The following CLEC16A variants were observed in gnomAD, a reference collection of about 807,000 sequenced individuals.
CLEC16A encodes the protein C-type lectin domain containing 16A.
CLEC16A carries 51 observed loss-of-function variants against 109.5 expected under a neutral mutation model. That is an observed-to-expected ratio of 0.47 (90% confidence interval 0.37 to 0.59). The LOEUF (loss-of-function observed/expected upper bound fraction) is 0.59, where lower values mean the gene tolerates loss of function less well. Among genes scored for constraint, CLEC16A ranks in the 20% least tolerant of loss-of-function variants. The probability of loss-of-function intolerance (pLI) is 0.00; values close to 1 mark genes in which losing one functional copy is unlikely to be tolerated. For missense variants in CLEC16A, 1,339 were observed against 1,394.0 expected (o/e 0.96, Z 0.63); for synonymous variants, 673 against 564.2 (o/e 1.19, Z -2.73).
At chr16:11,069,656 G>A (rs1038918093) in intron 19 of CLEC16A, among the ~76,000 whole-genome samples, 1 of 151,816 alleles carries the variant, frequency 6.6e-6, no homozygotes, top group East Asian at 1.9e-4. Flanking sequence ...TGCCCAGGCT[G>A]GTCTCAAGTT....
At chr16:10,980,193 T>C (rs1349139771) in intron 9 of CLEC16A, among the ~76,000 whole-genome samples, 1 of 152,170 alleles carries the variant, frequency 6.6e-6, no homozygotes, top group Non-Finnish European at 1.5e-5. Context: ...CTTTGTCTTT[T>C]TGGCCCAAGA....
chr16:11,143,587 G>T (rs1256561782), intron 22 of CLEC16A, among the ~76,000 whole-genome samples: 2 of 152,196 alleles, frequency 1.3e-5, no homozygotes, highest in Non-Finnish European at 2.9e-5. Flanking sequence ...ACTGCTGTCA[G>T]CTGCATCTGC....
At chr16:11,109,741 C>A (rs570662521) in intron 19 of CLEC16A, among the ~76,000 whole-genome samples, 1 of 152,328 alleles carries the variant, frequency 6.6e-6, no homozygotes, top group Non-Finnish European at 1.5e-5. Context: ...TCTTGGAATT[C>A]CAGGGTGAGC....
chr16:11,083,102 C>T (rs2049818615), intron 19 of CLEC16A, among the ~76,000 whole-genome samples: 1 of 152,170 alleles, frequency 6.6e-6, no homozygotes, highest in South Asian at 2.1e-4. Context: ...ATCAGCAGCT[C>T]ACCATGTAGG....
chr16:11,122,938 C>T (rs1489969554), intron 20 of CLEC16A, among the ~76,000 whole-genome samples: 2 of 102,278 alleles, frequency 2.0e-5, no homozygotes, highest in Non-Finnish European at 1.7e-5. Context: ...GAGTCTCATT[C>T]TGTTGCCCGG....
intron 13 of CLEC16A, among the ~76,000 whole-genome samples, chr16:11,032,408 C>T (rs371745407): frequency 4.6e-5 from 7 of 152,162 alleles, no homozygotes; most frequent in East Asian, 1.9e-4. Flanking sequence ...ATTCAGCCAG[C>T]GGGTGGGAGG....
intron 19 of CLEC16A, among the ~76,000 whole-genome samples, chr16:11,069,096 GT>G (rs1459742057): frequency 1.3e-5 from 2 of 151,142 alleles, no homozygotes; most frequent in Admixed American, 1.3e-4. Flanking sequence ...GTATCCCAAA[GT>G]GCTGGGATTA....
At chr16:11,083,107 T>C (rs1272028474) in intron 19 of CLEC16A, among the ~76,000 whole-genome samples, 1 of 151,978 alleles carries the variant, frequency 6.6e-6, no homozygotes, top group African/African-American at 2.4e-5. Context: ...CAGCTCACCA[T>C]GTAGGGGGAT....
intron 22 of CLEC16A, among the ~76,000 whole-genome samples, chr16:11,157,436 G>A (rs868222027): frequency 1.3e-5 from 2 of 152,190 alleles, no homozygotes; most frequent in Non-Finnish European, 2.9e-5. Context: ...TCATTGCCCC[G>A]AAAGCACAGA....
At chr16:11,156,476 T>G in intron 22 of CLEC16A, 1 of 605,188 alleles carries the variant, frequency 1.7e-6, no homozygotes, top group Non-Finnish European at 2.7e-6. Context: ...CTGCTCCTGG[T>G]GCATTCCTGA....
chr16:11,088,095 G>A (rs1197556795), intron 19 of CLEC16A, among the ~76,000 whole-genome samples: 1 of 152,226 alleles, frequency 6.6e-6, no homozygotes. Flanking sequence ...GTCTCGAAAG[G>A]GGCCTCTGTG....
intron 15 of CLEC16A, among the ~76,000 whole-genome samples, chr16:11,043,149 T>C (rs1444207655): frequency 6.6e-6 from 1 of 152,170 alleles, no homozygotes; most frequent in Non-Finnish European, 1.5e-5. Flanking sequence ...CCAAGTGCAG[T>C]GGCTCATGCA....
intron 19 of CLEC16A, among the ~76,000 whole-genome samples, chr16:11,063,454 C>A (rs1264155490): frequency 6.6e-6 from 1 of 151,810 alleles, no homozygotes; most frequent in African/African-American, 2.4e-5. Flanking sequence ...GGAAGCTGGG[C>A]ATGTTTTTGT....
At chr16:11,076,368 G>A (rs2049375494) in intron 19 of CLEC16A, among the ~76,000 whole-genome samples, 1 of 152,216 alleles carries the variant, frequency 6.6e-6, no homozygotes. Flanking sequence ...TCTGGCTGAC[G>A]GGGAGGGGAG....
chr16:11,114,094 T>G (rs2051795639), intron 19 of CLEC16A, among the ~76,000 whole-genome samples: 1 of 151,616 alleles, frequency 6.6e-6, no homozygotes, highest in Non-Finnish European at 1.5e-5. Context: ...AAGATGGTAT[T>G]TTGAGTTGTT....
In CLEC16A at chr16:10,971,008, A is replaced by ATTTTTTTTTTTTTTTTTTT; in HGVS notation, c.493-100_493-99insTTTTTTTTTTTTTTTTTTT. ...CTGACTTACGGTTCACATTGGCAAC[A>ATTTTTTTTTTTTTTTTTTT]TTTTTTTTTTTTTTTTTGTCTTTTT... is the stretch of plus-strand genomic sequence containing the variant. On this transcript the variant is annotated intron_variant, in intron 4 of 23. Coordinates refer to ENST00000409790, the MANE Select transcript of CLEC16A (RefSeq NM_015226.3). The ATTTTTTTTTTTTTTTTTTT allele has an allele frequency of 1.2e-5, 6 of 506,592 alleles. 1 individual carries two copies. The highest frequency in any genetic ancestry group is 3.4e-5 in the East Asian group (1 of 29,232). The allele number at this position is 506,592 out of a possible 1,614,324, so 31.4% of individuals were successfully genotyped here.
intron 10 of CLEC16A, among the ~76,000 whole-genome samples, chr16:10,993,321 G>A (rs1250083202): frequency 6.6e-6 from 1 of 152,192 alleles, no homozygotes; most frequent in Non-Finnish European, 1.5e-5. Context: ...GGAGGTTGCA[G>A]TGAGCCATGA....
In CLEC16A at chr16:10,964,932, G is replaced by C. The variant is rs965682836; in HGVS notation, c.343+2344G>C. ...AAAATATGCAGTAGATCTGTTAGCA[G>C]ATTTCAAGTCTGTAACACAGTAGGA... is the stretch of plus-strand genomic sequence containing the variant. On this transcript the variant is annotated intron_variant, in intron 3 of 23. Coordinates refer to ENST00000409790, the MANE Select transcript of CLEC16A (RefSeq NM_015226.3). Among the ~76,000 whole-genome samples, 7 of 152,318 alleles carry C rather than the reference G, an allele frequency of 4.6e-5. No homozygotes were observed. The East Asian group carries it at 7.7e-4, about 17-fold the overall frequency.
At chr16:11,024,534 G>T in intron 12 of CLEC16A, 1 of 330,678 alleles carries the variant, frequency 3.0e-6, no homozygotes, top group Non-Finnish European at 5.8e-6. Context: ...TTGGTGTGGG[G>T]AGTTTGTATA....
Sources: gnomAD v4.1 joint callset for allele counts (sites outside exome capture counted in the v4.1 genomes callset) on GRCh38, gnomAD v4.1.1 for gene constraint, MANE v1.5 for transcripts, NCBI Gene and HGNC (gene_info 2026-07-23, HGNC 2026-07-21) for gene names.